Variants in CCT8 observed in about 807,000 individuals in gnomAD.
CCT8 encodes the protein chaperonin containing TCP1 subunit 8.
Under a neutral mutation model 65.7 loss-of-function variants are expected in CCT8, and 10 were observed. That is an observed-to-expected ratio of 0.15 (90% CI 0.09 to 0.26). CCT8 has a LOEUF of 0.26. Ranked by LOEUF, CCT8 falls within the 10% of genes least tolerant of loss-of-function variation. CCT8 has a pLI of 1.00. For missense variants in CCT8, 568 were observed against 669.1 expected (o/e 0.85, Z 1.67); for synonymous variants, 199 against 221.8 (o/e 0.90, Z 0.92).
intron 3 of CCT8, among the ~76,000 whole-genome samples, chr21:29,068,096 A>G (rs1485286358): frequency 6.6e-6 from 1 of 152,198 alleles, no homozygotes; most frequent in Non-Finnish European, 1.5e-5. Context: ...CATGACTCTC[A>G]ATATCTATTT....
intron 13 of CCT8, 36 bp from the exon 14 acceptor site, chr21:29,060,696 C>A: frequency 6.2e-7 from 1 of 1,609,444 alleles, no homozygotes; most frequent in Non-Finnish European, 8.5e-7. Flanking sequence ...CATTTAAAAT[C>A]CTTTTATGTG....
chr21:29,064,928 C>G, intron 7 of CCT8, 40 bp downstream of exon 7: 1 of 1,589,036 alleles, frequency 6.3e-7, no homozygotes, highest in South Asian at 1.1e-5. Context: ...TCTGAAAGTG[C>G]AACCCCAATT....
intron 7 of CCT8, among the ~76,000 whole-genome samples, chr21:29,063,790 G>C (rs2085590306): frequency 6.6e-6 from 1 of 152,120 alleles, no homozygotes; most frequent in Admixed American, 6.6e-5. Context: ...TTTATTTTGA[G>C]ACAGAGTCTC....
intron 14 of CCT8, among the ~76,000 whole-genome samples, chr21:29,057,448 A>T (rs1193762789): frequency 1.3e-5 from 2 of 151,422 alleles, no homozygotes. Flanking sequence ...TATAGGTGTG[A>T]GCCACTGCGC....
intron 11 of CCT8, 141 bp from the exon 12 acceptor site, chr21:29,061,708 T>C (rs534264919): frequency 2.4e-5 from 21 of 867,576 alleles, no homozygotes; most frequent in Non-Finnish European, 3.7e-5. Context: ...CAAATACATA[T>C]TACAAATTTG....
chr21:29,065,538 G>A (rs1259317784), intron 6 of CCT8, among the ~76,000 whole-genome samples: 1 of 152,208 alleles, frequency 6.6e-6, no homozygotes, highest in Non-Finnish European at 1.5e-5. Flanking sequence ...AGTATCTTCA[G>A]GGAAAGCACA....
chr21:29,063,605 A>C, intron 7 of CCT8, 75 bp from the exon 8 acceptor site: 1 of 1,454,890 alleles, frequency 6.9e-7, no homozygotes, highest in African/African-American at 1.4e-5. Flanking sequence ...ATAATAGTTG[A>C]CTGAAGAAAT....
intron 6 of CCT8, among the ~76,000 whole-genome samples, chr21:29,066,017 G>A (rs1371208930): frequency 1.3e-5 from 2 of 151,500 alleles, no homozygotes; most frequent in African/African-American, 2.4e-5. Flanking sequence ...GGGAGGTGGA[G>A]GTTGCAGTGA....
At chr21:29,071,320 A>G (rs1224356508) in intron 1 of CCT8, among the ~76,000 whole-genome samples, 4 of 152,170 alleles carry the variant, frequency 2.6e-5, no homozygotes, top group Admixed American at 2.6e-4. Flanking sequence ...AAAAAGTTCT[A>G]TTTACATAGT....
At chr21:29,069,332 C>G (rs1382709317) in intron 3 of CCT8, 91 bp downstream of exon 3, 2 of 668,438 alleles carry the variant, frequency 3.0e-6, no homozygotes, top group African/African-American at 3.7e-5. Flanking sequence ...AGTCCCTTAT[C>G]CAATCTGAAA....
chr21:29,073,505 C>A (rs546694148), intron 1 of CCT8, 26 bp downstream of exon 1: 1 of 1,613,944 alleles, frequency 6.2e-7, no homozygotes, highest in African/African-American at 1.3e-5. Context: ...GACGCTCCCA[C>A]CTCATTCCTT....
At chr21:29,062,935 A>T (rs569926119) in intron 8 of CCT8, 1 of 324,576 alleles carries the variant, frequency 3.1e-6, no homozygotes, top group East Asian at 6.9e-5. Flanking sequence ...TGTGAACAAG[A>T]GTGATTTATT....
intron 1 of CCT8, among the ~76,000 whole-genome samples, chr21:29,072,712 G>A (rs79572151): frequency 0.016 from 2,359 of 152,188 alleles, 55 homozygotes; most frequent in African/African-American, 0.054. Context: ...AAAATCTGGA[G>A]GACACACAGA....
chr21:29,070,676 A>G (rs1293179740), intron 1 of CCT8, among the ~76,000 whole-genome samples: 3 of 152,232 alleles, frequency 2.0e-5, no homozygotes, highest in African/African-American at 7.2e-5. Context: ...TGAATAAAGT[A>G]TAACATTTTG....
At position 29,062,432 on chromosome 21, in the gene CCT8, G is replaced by GT. The variant is rs2085574587; in HGVS notation, c.1009-18dup. ...AGGAGGTGTCTGTAAGAAAGTGACTGTTGTAATAAAAATTCCATCTTGTTC... is the reference window on the plus strand; with the variant it reads ...AGGAGGTGTCTGTAAGAAAGTGACTGTTTGTAATAAAAATTCCATCTTGTTC... On this transcript the variant is annotated splice_polypyrimidine_tract_variant and intron_variant, in intron 9 of 14. Coordinates refer to ENST00000286788, the MANE Select transcript of CCT8 (RefSeq NM_006585.4). 6.2e-7 allele frequency: 1 copy of GT among 1,610,886 alleles called. No individual in the cohort carries two copies. The highest frequency in any genetic ancestry group is 2.2e-5 in the East Asian group (1 of 44,866).
At chr21:29,068,689 T>A (rs920726031) in intron 3 of CCT8, among the ~76,000 whole-genome samples, 5 of 152,178 alleles carry the variant, frequency 3.3e-5, no homozygotes, top group African/African-American at 1.2e-4. Context: ...AGTCTCAAAC[T>A]CCTGACCTTA....
At chr21:29,069,734 G>A (rs894767339) in intron 2 of CCT8, among the ~76,000 whole-genome samples, 1 of 152,080 alleles carries the variant, frequency 6.6e-6, no homozygotes, top group African/African-American at 2.4e-5. Context: ...TATTTACTAC[G>A]TAAGATGCCA....
At chr21:29,072,496 AT>A (rs1435487279) in intron 1 of CCT8, among the ~76,000 whole-genome samples, 2 of 152,132 alleles carry the variant, frequency 1.3e-5, no homozygotes, top group African/African-American at 4.8e-5. Context: ...TCTCAGCCTG[AT>A]TTTTTCAAGG....
intron 4 of CCT8, 35 bp from the exon 5 acceptor site, chr21:29,067,106 A>C (rs758746044): frequency 3.3e-6 from 5 of 1,509,044 alleles, no homozygotes; most frequent in Non-Finnish European, 4.5e-6. Flanking sequence ...TTCTGACATG[A>C]CTTAAAGTAG....
Sources: allele counts gnomAD v4.1 joint callset (sites outside exome capture counted in the v4.1 genomes callset), GRCh38; gene constraint gnomAD v4.1.1; transcripts MANE v1.5; gene names NCBI Gene and HGNC (gene_info 2026-07-23, HGNC 2026-07-21).